ZNF124: variants seen among roughly 807,000 people sequenced by gnomAD.
The protein encoded by ZNF124 is zinc finger protein 124, also known as zinc finger protein HZF-16.
A neutral mutation model predicts 26.6 loss-of-function variants in ZNF124; 25 were observed. That is an observed-to-expected ratio of 0.94 (90% confidence interval 0.68 to 1.31). ZNF124 has a LOEUF of 1.31. ZNF124 is among the 40% of genes most tolerant of loss of function. The pLI is 0.00. For missense variants in ZNF124, 444 were observed against 422.2 expected (o/e 1.05, Z -0.45); for synonymous variants, 129 against 133.3 (o/e 0.97, Z 0.22).
At chr1:247,138,526 G>A (rs79433085) in intron 3 of ZNF124, 11,594 of 360,604 alleles carry the variant, frequency 0.032, 308 homozygotes, top group Admixed American at 0.095. Flanking sequence ...GCAAACCACC[G>A]CGGCACATGT....
chr1:247,165,490 A>G (rs1234460703), intron 1 of ZNF124, among the ~76,000 whole-genome samples: 1 of 152,234 alleles, frequency 6.6e-6, no homozygotes, highest in African/African-American at 2.4e-5. Flanking sequence ...ACCATTCTGG[A>G]CATAGGACCT....
chr1:247,153,306 G>A (rs1447098268), downstream of ZNF124, among the ~76,000 whole-genome samples: 1 of 152,090 alleles, frequency 6.6e-6, no homozygotes, highest in East Asian at 1.9e-4. Flanking sequence ...CAGCCATGTA[G>A]TAACTTTCTA....
chr1:247,132,898 C>T (rs1454947317), intron 3 of ZNF124, among the ~76,000 whole-genome samples: 2 of 152,200 alleles, frequency 1.3e-5, no homozygotes, highest in African/African-American at 4.8e-5. Context: ...CGGAATTGCT[C>T]ACTCAGGGAG....
rs1324952924 is a variant in ZNF124 at position 247,168,507 on chromosome 1, C to G, written c.30+3341G>C. The stretch of plus-strand genomic sequence containing the variant: ...CAAGATCGTGCCACTGCACTACAGC[C>G]TGGGTAACAGAGTGAGACTCTGTCT... On this transcript the variant is annotated intron_variant, in intron 1 of 3. Coordinates refer to ENST00000543802, the MANE Select transcript of ZNF124 (RefSeq NM_001297568.2). The surrounding 1 kb of genome is among the most constrained non-coding windows in gnomAD (Gnocchi z 4.0). Among the ~76,000 whole-genome samples the G allele has an allele frequency of 6.6e-6, 1 of 152,216 alleles. No individual in the cohort carries two copies. Among genetic ancestry groups the G allele is most frequent in the African/African-American group, 2.4e-5 (1 of 41,446 alleles).
At chr1:247,148,074 C>G (rs907486446) in intron 3 of ZNF124, among the ~76,000 whole-genome samples, 16 of 152,244 alleles carry the variant, frequency 1.1e-4, no homozygotes, top group Middle Eastern at 3.2e-3. Context: ...CAAGAACTTA[C>G]AGTATTTTCT....
intron 3 of ZNF124, among the ~76,000 whole-genome samples, chr1:247,127,876 C>T (rs943231892): frequency 2.0e-5 from 3 of 151,894 alleles, no homozygotes; most frequent in African/African-American, 7.2e-5. Context: ...AACTCGGTGT[C>T]TGAGGGGTTT....
At chr1:247,145,463 T>C (rs892538987) in intron 3 of ZNF124, among the ~76,000 whole-genome samples, 1 of 152,120 alleles carries the variant, frequency 6.6e-6, no homozygotes, top group Non-Finnish European at 1.5e-5. Flanking sequence ...AGTCATTCTA[T>C]TGAGAACGGT....
At chr1:247,141,102 G>A (rs1247661659) in intron 3 of ZNF124, among the ~76,000 whole-genome samples, 2 of 151,552 alleles carry the variant, frequency 1.3e-5, no homozygotes, top group Non-Finnish European at 2.9e-5. Context: ...AGTGCAATCA[G>A]CCCAGAACGG....
chr1:247,152,055 T>C (rs563275726), downstream of ZNF124, among the ~76,000 whole-genome samples: 74 of 60,800 alleles, frequency 1.2e-3, no homozygotes, highest in African/African-American at 5.1e-3. Context: ...CACCCCCCGC[T>C]TTTTTTTTTT....
At chr1:247,151,336 G>A (rs111468616), downstream of ZNF124, among the ~76,000 whole-genome samples, 4,410 of 152,066 alleles carry the variant, frequency 0.029, 230 homozygotes, top group African/African-American at 0.1. Context: ...AAAATTAGCC[G>A]GGCGTGGTGG....
rs577636781 is a variant in ZNF124 at position 247,158,929 on chromosome 1, T to A, written c.218+77A>T. The stretch of plus-strand genomic sequence containing the variant: ...CAGGTGTGAGCCACCATGCCTGGCC[T>A]TGTTTGCTTTAAACATATGATTATA... On this transcript the variant is annotated intron_variant, in intron 3 of 3. Transcript: ENST00000543802. 1.2e-5 allele frequency: 16 copies of A among 1,379,704 alleles called. No individual in the cohort carries two copies. The East Asian group carries it at 3.8e-4, about 32-fold the overall frequency. 85.5% of individuals were successfully genotyped at this position (1,379,704 alleles called of 1,614,324 possible). A position where few individuals can be genotyped will look rare whatever the true frequency, so the allele number is the denominator to read the frequency against.
At chr1:247,135,867 G>A (rs1443088811) in intron 3 of ZNF124, among the ~76,000 whole-genome samples, 2 of 152,066 alleles carry the variant, frequency 1.3e-5, no homozygotes, top group Non-Finnish European at 2.9e-5. Flanking sequence ...ATGCATGGCT[G>A]GTTTAACATG....
intron 3 of ZNF124, chr1:247,138,752 G>A (rs968838818): frequency 1.5e-5 from 6 of 398,488 alleles, no homozygotes; most frequent in Non-Finnish European, 2.7e-5. Flanking sequence ...TCATGAACCA[G>A]TACATCTGTA....
chr1:247,157,123 T>G lies in ZNF124; in HGVS notation c.499A>C (p.Arg167=), dbSNP rs993285986. The G allele has an allele frequency of 2.5e-6, 4 of 1,614,062 alleles. No homozygotes were observed. In the African/African-American group the frequency reaches 4.0e-5, roughly 16 times the overall value. ...KALGFSRSLN[R]HKRIHTGEKR... ...TCTCCAGTGTGAATCCTTTTATGTC[T>G]ATTAAGAGAACGGGAAAAACCTAAG... Residue 167 remains arginine, a synonymous_variant, in exon 4 of 4, where the codon AGA becomes CGA. Coordinates refer to ENST00000543802, the MANE Select transcript of ZNF124 (RefSeq NM_001297568.2).
rs1673158126 is a variant in ZNF124, at chr1:247,156,750, A to G, written c.872T>C (p.Val291Ala). The G allele has an allele frequency of 4.3e-6, 7 of 1,612,798 alleles. No individual in the cohort carries two copies. The highest frequency in any genetic ancestry group is 5.9e-6 in the Non-Finnish European group (7 of 1,179,614). Residue 291 changes from valine (V) to alanine (A), a missense_variant, in exon 4 of 4, where the codon GTA becomes GCA. By Grantham distance (64) the Val-to-Ala change is moderately conservative. Transcript: ENST00000543802. ...EKTHIAQKPY[V>A]CNNCGKGFRC... ...GAAGCCTTTACCACAATTGTTACATACATAGGGTTTCTGTGCAATATGAGT... is the reference window on the plus strand; with the variant it reads ...GAAGCCTTTACCACAATTGTTACATGCATAGGGTTTCTGTGCAATATGAGT...
intron 3 of ZNF124, among the ~76,000 whole-genome samples, chr1:247,125,780 A>G (rs1233383050): frequency 1.3e-5 from 2 of 152,194 alleles, no homozygotes; most frequent in Admixed American, 6.5e-5. Flanking sequence ...TTTTGGTAAC[A>G]ACTTTATTGA....
chr1:247,130,061 G>C (rs112479258), intron 3 of ZNF124, among the ~76,000 whole-genome samples: 1 of 152,184 alleles, frequency 6.6e-6, no homozygotes, highest in Non-Finnish European at 1.5e-5. Context: ...AGCCATGTCC[G>C]TGCTCGTCAG....
chr1:247,153,854 TAGG>T (rs1673015257), downstream of ZNF124, among the ~76,000 whole-genome samples: 1 of 152,198 alleles, frequency 6.6e-6, no homozygotes, highest in Non-Finnish European at 1.5e-5. Flanking sequence ...CCCCTTTGGC[TAGG>T]AGTTTAGTAC....
downstream of ZNF124, among the ~76,000 whole-genome samples, chr1:247,152,744 C>T (rs1441627114): frequency 1.3e-5 from 2 of 152,146 alleles, no homozygotes; most frequent in African/African-American, 4.8e-5. Context: ...TGAGTATATA[C>T]TGTCAGTTTC....
Sources: allele counts gnomAD v4.1 joint callset (sites outside exome capture counted in the v4.1 genomes callset), GRCh38; gene constraint gnomAD v4.1.1; non-coding constraint Gnocchi (gnomAD v3.1); transcripts MANE v1.5; gene names NCBI Gene and HGNC (gene_info 2026-07-23, HGNC 2026-07-21).